Variants in CEP112 observed in about 807,000 individuals in gnomAD.
The protein encoded by CEP112 is centrosomal protein of 112 kDa.
CEP112 carries 127 observed loss-of-function variants against 153.0 expected under a neutral mutation model. That is an observed-to-expected ratio of 0.83 (90% confidence interval 0.72 to 0.96). The LOEUF is 0.96. Among genes scored for constraint, CEP112 ranks in the 40% least tolerant of loss-of-function variants. The pLI, the probability that CEP112 is intolerant of heterozygous loss-of-function variation, is 0.00. For missense variants in CEP112, 1,089 were observed against 1,101.2 expected (o/e 0.99, Z 0.16); for synonymous variants, 358 against 374.4 (o/e 0.96, Z 0.51).
rs114476470 is a variant in CEP112 at position 65,697,906 on chromosome 17, C to T, written c.2608-8688G>A. ...TATGCTGCAGATCTAAAGCCAGAGC[C>T]GCAGCTACTACTGCAGAGGCCACTA... On this transcript the variant is annotated intron_variant, in intron 23 of 26. Transcript: ENST00000535342. Among the ~76,000 whole-genome samples the T allele has an allele frequency of 2.8e-3, 426 of 152,224 alleles. 2 individuals are homozygous for T. Among genetic ancestry groups the T allele is most frequent in the African/African-American group, 9.7e-3 (405 of 41,544 alleles).
At chr17:65,901,228 G>A (rs2059835355) in intron 20 of CEP112, among the ~76,000 whole-genome samples, 1 of 152,170 alleles carries the variant, frequency 6.6e-6, no homozygotes, top group African/African-American at 2.4e-5. Flanking sequence ...AGAAGCTTGT[G>A]TGGTGTGGTT....
chr17:65,854,648 A>G (rs2058068140), intron 20 of CEP112, among the ~76,000 whole-genome samples: 1 of 152,212 alleles, frequency 6.6e-6, no homozygotes, highest in African/African-American at 2.4e-5. Context: ...ACTTTATATA[A>G]AAGGCTGATC....
At chr17:65,827,335 A>T (rs1456326734) in intron 21 of CEP112, among the ~76,000 whole-genome samples, 1 of 152,224 alleles carries the variant, frequency 6.6e-6, no homozygotes, top group Non-Finnish European at 1.5e-5. Context: ...GTCCCTCTAG[A>T]GAACCCTGAC....
At chr17:65,752,141 G>T (rs2051916661) in intron 21 of CEP112, among the ~76,000 whole-genome samples, 1 of 152,050 alleles carries the variant, frequency 6.6e-6, no homozygotes. Flanking sequence ...GTGTGTGTGT[G>T]TGTTTCTGAG....
chr17:65,704,509 G>T (rs2048818706), intron 23 of CEP112, among the ~76,000 whole-genome samples: 1 of 151,842 alleles, frequency 6.6e-6, no homozygotes, highest in Non-Finnish European at 1.5e-5. Context: ...CCATGTGAGG[G>T]CCAACAGTCC....
At chr17:65,759,830 T>G (rs1481934660) in intron 21 of CEP112, among the ~76,000 whole-genome samples, 1 of 152,186 alleles carries the variant, frequency 6.6e-6, no homozygotes, top group South Asian at 2.1e-4. Flanking sequence ...ATCTCATACA[T>G]ACAGATGGTT....
intron 24 of CEP112, chr17:65,654,877 C>A: frequency 2.0e-6 from 1 of 498,096 alleles, no homozygotes; most frequent in South Asian, 1.6e-5. Flanking sequence ...TTGAGGTTGT[C>A]ACTGGGGTCG....
chr17:66,174,914 C>A (rs1022176041), intron 4 of CEP112, 130 bp downstream of exon 4: 3 of 506,620 alleles, frequency 5.9e-6, no homozygotes, highest in Non-Finnish European at 9.7e-6. Flanking sequence ...ATAAAATAAT[C>A]TTGAATGTGC....
intron 21 of CEP112, among the ~76,000 whole-genome samples, chr17:65,844,610 G>A (rs957598155): frequency 6.8e-5 from 10 of 146,110 alleles, no homozygotes; most frequent in Admixed American, 2.1e-4. Context: ...GCTTGAACCC[G>A]CAAGCCAGAG....
At chr17:65,730,324 T>C (rs746266617) in intron 23 of CEP112, among the ~76,000 whole-genome samples, 1 of 152,216 alleles carries the variant, frequency 6.6e-6, no homozygotes, top group Non-Finnish European at 1.5e-5. Context: ...CTCCTTGCTC[T>C]AGGAAGCAAG....
In CEP112 at chr17:65,743,170, G is replaced by A. The variant is rs772030548; in HGVS notation, c.2505C>T (p.Asn835=). 1.1e-5 allele frequency: 17 copies of A among 1,612,684 alleles called. No homozygotes were observed. In the South Asian group the frequency reaches 1.7e-4, roughly 16 times the overall value. ...QTTISSLKEE[N]SQQQLAAERR... ...TTTCTGCAGCAAGCTGCTGCTGGCT[G>A]TTCTCTTCTTTCAGAGAGGAAATGG... The change falls in exon 23 of 27, where the codon AAC becomes AAT. Residue 835 remains asparagine, a synonymous_variant. Transcript: ENST00000535342.
chr17:65,683,158 A>G (rs566606241), intron 24 of CEP112, among the ~76,000 whole-genome samples: 8 of 151,756 alleles, frequency 5.3e-5, no homozygotes, highest in Non-Finnish European at 1.0e-4. Flanking sequence ...CCACGAGGGA[A>G]CCTCTTTCCC....
chr17:65,774,263 G>A (rs1402607011), intron 21 of CEP112, among the ~76,000 whole-genome samples: 4 of 152,162 alleles, frequency 2.6e-5, no homozygotes, highest in South Asian at 2.1e-4. Flanking sequence ...GTTTACCTGC[G>A]GTTTTGTTCC....
chr17:65,963,825 C>T (rs141525779), intron 17 of CEP112, among the ~76,000 whole-genome samples: 2 of 152,236 alleles, frequency 1.3e-5, no homozygotes, highest in African/African-American at 4.8e-5. Flanking sequence ...TAAACACCAC[C>T]TTGTGTCTAT....
At chr17:65,995,420 C>T (rs1284255130) in intron 17 of CEP112, among the ~76,000 whole-genome samples, 1 of 152,102 alleles carries the variant, frequency 6.6e-6, no homozygotes, top group Admixed American at 6.5e-5. Flanking sequence ...GAAGAGGGTA[C>T]ACCTAGATGT....
intron 21 of CEP112, among the ~76,000 whole-genome samples, chr17:65,819,053 C>T (rs755117588): frequency 6.6e-6 from 1 of 151,890 alleles, no homozygotes; most frequent in Non-Finnish European, 1.5e-5. Flanking sequence ...TTTCAATCCA[C>T]TAATTTTTGA....
chr17:65,640,154 A>ATATATTTT lies in CEP112; in HGVS notation c.2799+809_2799+810insAAAATATA, dbSNP rs1300751452. Among the ~76,000 whole-genome samples the ATATATTTT allele has an allele frequency of 2.9e-4, 23 of 78,338 alleles. No homozygotes were observed. The East Asian group carries it at 4.5e-3, about 15-fold the overall frequency. The allele number at this position is 78,338 out of a possible 152,430, so 51.4% of individuals were successfully genotyped here. A position where few individuals can be genotyped will look rare whatever the true frequency, so the allele number is the denominator to read the frequency against. ...CACCCGACCATATATATATATATAT[A>ATATATTTT]TTTTTTTTTTTTTTTTTTTGAGACA... On this transcript the variant is annotated intron_variant, in intron 25 of 26. Coordinates refer to ENST00000535342, the MANE Select transcript of CEP112 (RefSeq NM_001199165.4).
chr17:65,837,397 G>A (rs2057353935), intron 21 of CEP112, among the ~76,000 whole-genome samples: 1 of 151,802 alleles, frequency 6.6e-6, no homozygotes. Flanking sequence ...GAGATGTGGG[G>A]AGCGCCTCTG....
intron 23 of CEP112, among the ~76,000 whole-genome samples, chr17:65,704,492 A>G (rs980622982): frequency 2.0e-5 from 3 of 151,730 alleles, no homozygotes; most frequent in African/African-American, 7.3e-5. Context: ...ACTAGACCTC[A>G]TTTTACCCAT....
Sources: allele counts gnomAD v4.1 joint callset (sites outside exome capture counted in the v4.1 genomes callset), GRCh38; gene constraint gnomAD v4.1.1; transcripts MANE v1.5; gene names NCBI Gene and HGNC (gene_info 2026-07-23, HGNC 2026-07-21).